The following CPQ variants were observed in gnomAD, a reference collection of about 807,000 sequenced individuals.
CPQ encodes the protein carboxypeptidase Q.
Under a neutral mutation model 45.7 loss-of-function variants are expected in CPQ, and 37 were observed. The ratio of observed to expected loss-of-function variants is 0.81; its 90% CI spans 0.62 to 1.07. The LOEUF (loss-of-function observed/expected upper bound fraction) is 1.07. CPQ is among the 50% of genes least tolerant of loss of function. The pLI, the probability that CPQ is intolerant of heterozygous loss-of-function variation, is 0.00. For missense variants in CPQ, 537 were observed against 572.9 expected, an observed-to-expected ratio of 0.94 and a Z score of 0.64; for synonymous variants, 186 against 205.8, an observed-to-expected ratio of 0.90 and a Z score of 0.82.
At chr8:97,087,398 G>T (rs1271576385) in intron 7 of CPQ, among the ~76,000 whole-genome samples, 1 of 148,236 alleles carries the variant, frequency 6.7e-6, no homozygotes, top group Non-Finnish European at 1.5e-5. Flanking sequence ...TCTCCCAGGT[G>T]CCGACTTGGG....
chr8:96,876,579 T>C (rs148069239), intron 3 of CPQ, among the ~76,000 whole-genome samples: 263 of 152,286 alleles, frequency 1.7e-3, no homozygotes, highest in African/African-American at 6.0e-3. Flanking sequence ...TTGTAGATGC[T>C]TTTTATCAGA....
chr8:96,911,868 G>C (rs917657333), intron 4 of CPQ, among the ~76,000 whole-genome samples: 33 of 152,304 alleles, frequency 2.2e-4, no homozygotes, highest in African/African-American at 7.5e-4. Context: ...CAGCCCAGAA[G>C]CAGCATCGTT....
chr8:96,774,506 GA>G lies in CPQ; in HGVS notation c.-34-10357del, dbSNP rs375095623. ...AGAAATGTGTCACATGAGTGATAAT[GA>G]GGTTGTGAGCTAGGGAAGTGATGGT... On this transcript the variant is annotated intron_variant, in intron 1 of 7. Coordinates refer to ENST00000220763, the MANE Select transcript of CPQ (RefSeq NM_016134.4). 3.4e-3 allele frequency among the ~76,000 whole-genome samples: 511 copies of G among 152,260 alleles called. 7 individuals carry two copies. The highest frequency in any genetic ancestry group is 0.012 in the African/African-American group (486 of 41,568).
At chr8:96,954,741 C>G (rs1471466216) in intron 4 of CPQ, among the ~76,000 whole-genome samples, 2 of 151,966 alleles carry the variant, frequency 1.3e-5, no homozygotes, top group African/African-American at 4.8e-5. Context: ...TGCTATCCCT[C>G]CCCACTCCCC....
chr8:96,711,081 G>T (rs770794905), intron 1 of CPQ, among the ~76,000 whole-genome samples: 38 of 151,554 alleles, frequency 2.5e-4, no homozygotes, highest in Admixed American at 2.0e-3. Flanking sequence ...GACCTTTTTT[G>T]CCCCCCCTTT....
intron 3 of CPQ, among the ~76,000 whole-genome samples, chr8:96,854,557 A>AAAAACAAAAAAAC (rs1554573253): frequency 1.3e-5 from 1 of 76,866 alleles, no homozygotes. Context: ...AAAAAAAAAA[A>AAAAACAAAAAAAC]AATGTGGTGG....
Position 96,724,776 on chromosome 8 carries a change from C to T in CPQ, c.-34-60088C>T, listed in dbSNP as rs115375372. On this transcript the variant is annotated intron_variant, in intron 1 of 7. Coordinates refer to ENST00000220763, the MANE Select transcript of CPQ (RefSeq NM_016134.4). ...AAACAATTCTAAAATTCATATGGAA[C>T]CAGAAAGGAGCCTGAATAAACAAAG... 4.7e-3 allele frequency among the ~76,000 whole-genome samples: 719 copies of T among 152,158 alleles called. 4 individuals carry two copies. The highest frequency in any genetic ancestry group is 0.014 in the African/African-American group (570 of 41,508).
chr8:96,742,871 G>A (rs1166817644), intron 1 of CPQ, among the ~76,000 whole-genome samples: 1 of 152,074 alleles, frequency 6.6e-6, no homozygotes, highest in East Asian at 1.9e-4. Context: ...GCTTCCCTTT[G>A]AGGGTAACCC....
rs558656384 is a variant in CPQ at position 96,806,270 on chromosome 8, T to G, written c.433+20940T>G. ...TATTTATTGGAAAATATAATAAAAT[T>G]GAGATAATTTTTACCTTTAACATAA... On this transcript the variant is annotated intron_variant, in intron 2 of 7. Transcript: ENST00000220763. 1.3e-4 allele frequency among the ~76,000 whole-genome samples: 20 copies of G among 149,040 alleles called. No individual in the cohort carries two copies. In the East Asian group the frequency reaches 3.9e-3, roughly 29 times the overall value.
chr8:96,759,868 A>G (rs1237980944), intron 1 of CPQ, among the ~76,000 whole-genome samples: 2 of 152,064 alleles, frequency 1.3e-5, no homozygotes, highest in Non-Finnish European at 1.5e-5. Context: ...CTCTGTATAT[A>G]TTTTCTCATT....
intron 5 of CPQ, among the ~76,000 whole-genome samples, chr8:96,986,285 A>G (rs1461383718): frequency 2.0e-5 from 3 of 152,120 alleles, no homozygotes; most frequent in African/African-American, 7.2e-5. Flanking sequence ...AATGACCCTA[A>G]TTTTCATATC....
intron 1 of CPQ, among the ~76,000 whole-genome samples, chr8:96,708,999 A>G (rs183025527): frequency 3.9e-5 from 6 of 152,030 alleles, no homozygotes; most frequent in South Asian, 4.2e-4. Flanking sequence ...TATAGTTTCA[A>G]TTTATTTGCT....
At chr8:96,815,877 T>C (rs141770899) in intron 2 of CPQ, among the ~76,000 whole-genome samples, 3 of 152,290 alleles carry the variant, frequency 2.0e-5, no homozygotes, top group African/African-American at 7.2e-5. Flanking sequence ...GTACATACTT[T>C]AATTTATAAA....
chr8:96,777,330 C>G (rs1479255713), intron 1 of CPQ, among the ~76,000 whole-genome samples: 1 of 151,864 alleles, frequency 6.6e-6, no homozygotes, highest in African/African-American at 2.4e-5. Context: ...TTGTGAAGCT[C>G]CAACATTTAT....
At chr8:96,825,419 A>G (rs571343706) in intron 2 of CPQ, among the ~76,000 whole-genome samples, 17 of 152,130 alleles carry the variant, frequency 1.1e-4, no homozygotes, top group African/African-American at 3.9e-4. Flanking sequence ...AAATCCAAGC[A>G]CTGTCACTTT....
intron 5 of CPQ, among the ~76,000 whole-genome samples, chr8:96,978,342 C>G (rs1813824622): frequency 6.6e-6 from 1 of 152,168 alleles, no homozygotes; most frequent in Non-Finnish European, 1.5e-5. Flanking sequence ...CAAAATACAT[C>G]TGTGAGATAA....
chr8:96,937,559 G>A (rs1813068358), intron 4 of CPQ, among the ~76,000 whole-genome samples: 1 of 152,164 alleles, frequency 6.6e-6, no homozygotes, highest in South Asian at 2.1e-4. Flanking sequence ...GACCTTAGGA[G>A]AGACACTTGT....
chr8:97,061,800 G>T (rs576761489), intron 6 of CPQ, among the ~76,000 whole-genome samples: 3 of 152,262 alleles, frequency 2.0e-5, no homozygotes, highest in Non-Finnish European at 4.4e-5. Flanking sequence ...AGTAACAACA[G>T]TAATGCTACT....
At chr8:97,105,945 C>G (rs1235985692) in intron 7 of CPQ, among the ~76,000 whole-genome samples, 1 of 152,190 alleles carries the variant, frequency 6.6e-6, no homozygotes, top group African/African-American at 2.4e-5. Flanking sequence ...TGACCTCAAC[C>G]TCTTCATCTG....
Sources: allele counts gnomAD v4.1 joint callset (sites outside exome capture counted in the v4.1 genomes callset), GRCh38; gene constraint gnomAD v4.1.1; transcripts MANE v1.5; gene names NCBI Gene and HGNC (gene_info 2026-07-23, HGNC 2026-07-21).